The following GLIS3 variants were observed in gnomAD, a reference collection of about 807,000 sequenced individuals.
GLIS3 encodes the protein zinc finger protein GLIS3.
In GLIS3, 53 loss-of-function variants were observed where a neutral mutation model predicts 78.6. That is an observed-to-expected ratio of 0.67 (90% CI 0.54 to 0.85). The LOEUF is 0.85. Among genes scored for constraint, GLIS3 ranks in the 40% least tolerant of loss-of-function variants. GLIS3 has a pLI of 0.00. For missense variants in GLIS3, 1,703 were observed against 1,231.1 expected (o/e 1.38, Z -5.74); for synonymous variants, 684 against 509.9 (o/e 1.34, Z -4.60).
At chr9:4,298,105 A>C (rs963392382) in intron 1 of GLIS3, among the ~76,000 whole-genome samples, 1 of 152,074 alleles carries the variant, frequency 6.6e-6, no homozygotes, top group African/African-American at 2.4e-5. Context: ...CCTGTTGTGC[A>C]ACTCGCTCCT....
chr9:4,046,639 C>A (rs985338324), intron 4 of GLIS3, among the ~76,000 whole-genome samples: 18 of 152,168 alleles, frequency 1.2e-4, no homozygotes, highest in Admixed American at 9.8e-4. Flanking sequence ...TACTCTGTGC[C>A]ATACTTGAAG....
chr9:4,196,790 A>G (rs143273881), intron 2 of GLIS3, among the ~76,000 whole-genome samples: 1 of 152,276 alleles, frequency 6.6e-6, no homozygotes, highest in Non-Finnish European at 1.5e-5. Context: ...GAACCCCCCA[A>G]TTTCGGACAC....
At chr9:4,479,186 A>G in the GLIS3 span, among the ~76,000 whole-genome samples, 2 of 152,200 alleles carry the variant, frequency 1.3e-5, no homozygotes, top group East Asian at 3.8e-4. Context: ...TCAGCCTCCT[A>G]GAGTGCTGGG....
At position 3,827,286 on chromosome 9, in the gene GLIS3, T is replaced by C. The variant is rs1043586425; in HGVS notation, c.*986A>G. 2 of 152,252 alleles carry C rather than the reference T, an allele frequency of 1.3e-5. No homozygotes were observed. Among genetic ancestry groups the C allele is most frequent in the African/African-American group, 4.8e-5 (2 of 41,464 alleles). The allele number at this position is 152,252 out of a possible 1,614,324, so 9.4% of individuals were successfully genotyped here. On this transcript the variant is annotated 3_prime_UTR_variant, in exon 11 of 11. Transcript: ENST00000381971. The stretch of plus-strand genomic sequence containing the variant: ...TGGTTTTCCAAGGGAAGCTGGCACA[T>C]GACTCAGTCTGTCCCAGTTCTCACA...
At chr9:4,376,728 A>G in the GLIS3 span, among the ~76,000 whole-genome samples, 2 of 135,990 alleles carry the variant, frequency 1.5e-5, 1 homozygote, top group East Asian at 4.4e-4. Flanking sequence ...AAACTATTAG[A>G]TACTATTTTT....
chr9:4,387,909 A>T, the GLIS3 span, among the ~76,000 whole-genome samples: 1 of 152,204 alleles, frequency 6.6e-6, no homozygotes. Flanking sequence ...ATACATTTCT[A>T]ATCATTGCTT....
At chr9:4,237,772 A>G (rs1051167614) in intron 2 of GLIS3, among the ~76,000 whole-genome samples, 1 of 152,210 alleles carries the variant, frequency 6.6e-6, no homozygotes, top group African/African-American at 2.4e-5. Context: ...AATTGAGAAA[A>G]TAACTACTGA....
At chr9:4,207,990 A>T (rs1044648787) in intron 2 of GLIS3, among the ~76,000 whole-genome samples, 1 of 152,212 alleles carries the variant, frequency 6.6e-6, no homozygotes, top group Non-Finnish European at 1.5e-5. Flanking sequence ...TGCTTTAAAC[A>T]GCACAGTTAG....
the GLIS3 span, among the ~76,000 whole-genome samples, chr9:4,427,373 G>C: frequency 6.6e-6 from 1 of 152,126 alleles, no homozygotes; most frequent in Non-Finnish European, 1.5e-5. Flanking sequence ...AGACACTGTG[G>C]TAAGGGGTGG....
chr9:4,083,265 G>C (rs1402089705), intron 4 of GLIS3, among the ~76,000 whole-genome samples: 12 of 152,084 alleles, frequency 7.9e-5, no homozygotes, highest in Admixed American at 7.2e-4. Context: ...GGCAGCAATA[G>C]AGCACAAAAC....
chr9:4,085,021 T>C (rs1828902085), intron 4 of GLIS3, among the ~76,000 whole-genome samples: 3 of 150,034 alleles, frequency 2.0e-5, no homozygotes, highest in Admixed American at 1.3e-4. Context: ...AAAAAGCACA[T>C]AGAAAATGAT....
At chr9:3,948,231 C>A (rs1218472480) in intron 4 of GLIS3, among the ~76,000 whole-genome samples, 1 of 152,230 alleles carries the variant, frequency 6.6e-6, no homozygotes, top group Non-Finnish European at 1.5e-5. Flanking sequence ...AGCAGGGACT[C>A]AGAAAACCCT....
chr9:3,869,600 G>C (rs374281738), intron 8 of GLIS3, among the ~76,000 whole-genome samples: 1 of 152,136 alleles, frequency 6.6e-6, no homozygotes, highest in African/African-American at 2.4e-5. Flanking sequence ...CCAGAATTAC[G>C]GCTACTGCCC....
intron 2 of GLIS3, among the ~76,000 whole-genome samples, chr9:4,129,881 T>C (rs921824392): frequency 2.6e-5 from 4 of 152,174 alleles, no homozygotes; most frequent in African/African-American, 9.7e-5. Context: ...TAGTGGAACT[T>C]CCTAGAGACT....
At chr9:4,288,022 C>G (rs1026196795) in intron 1 of GLIS3, among the ~76,000 whole-genome samples, 7 of 152,240 alleles carry the variant, frequency 4.6e-5, no homozygotes, top group Admixed American at 1.3e-4. Flanking sequence ...CCACATTCCT[C>G]TAAGTCAGGT....
At chr9:4,244,378 T>C (rs1193496508) in intron 2 of GLIS3, among the ~76,000 whole-genome samples, 2 of 152,230 alleles carry the variant, frequency 1.3e-5, no homozygotes, top group Non-Finnish European at 2.9e-5. Flanking sequence ...CCTGTTAATG[T>C]CAGACATGCT....
chr9:4,348,762 T>C (rs1290697363), upstream of GLIS3, among the ~76,000 whole-genome samples: 3 of 151,612 alleles, frequency 2.0e-5, no homozygotes, highest in Non-Finnish European at 4.4e-5. Context: ...AAAAGGAAAA[T>C]GCTCCTAAGT....
At chr9:4,269,093 A>G (rs889752955) in intron 2 of GLIS3, among the ~76,000 whole-genome samples, 5 of 152,338 alleles carry the variant, frequency 3.3e-5, no homozygotes, top group South Asian at 2.1e-4. Context: ...CACACGACAC[A>G]GAATAACTCC....
intron 1 of GLIS3, among the ~76,000 whole-genome samples, chr9:4,347,571 A>T (rs1296405414): frequency 6.6e-6 from 1 of 152,216 alleles, no homozygotes; most frequent in African/African-American, 2.4e-5. Flanking sequence ...GATGAGCTTT[A>T]AGTGAAGTTT....
Sources: allele counts gnomAD v4.1 joint callset (sites outside exome capture counted in the v4.1 genomes callset), GRCh38; gene constraint gnomAD v4.1.1; transcripts MANE v1.5; gene names NCBI Gene and HGNC (gene_info 2026-07-23, HGNC 2026-07-21).